The following KLRG1 variants were observed in gnomAD, a reference collection of about 807,000 sequenced individuals.
KLRG1 encodes killer cell lectin-like receptor subfamily G member 1.
In KLRG1, 16 loss-of-function variants were observed where a neutral mutation model predicts 21.8. The ratio of observed to expected loss-of-function variants is 0.73; its 90% confidence interval spans 0.50 to 1.11. The LOEUF (loss-of-function observed/expected upper bound fraction) is 1.11, where lower values mean the gene tolerates loss of function less well. Among genes scored for constraint, KLRG1 ranks in the 50% most tolerant of loss-of-function variants. The pLI, the probability that KLRG1 is intolerant of heterozygous loss-of-function variation, is 0.00. For synonymous variants in KLRG1, 69 were observed against 75.9 expected (o/e 0.91, Z 0.47); for missense variants, 173 against 218.3 (o/e 0.79, Z 1.31).
the KLRG1 span, among the ~76,000 whole-genome samples, chr12:9,108,800 A>G: frequency 3.3e-5 from 5 of 152,314 alleles, no homozygotes; most frequent in Middle Eastern, 3.4e-3. Context: ...GCAGACAGGT[A>G]TGTAGACCCG....
chr12:9,197,035 C>A, the KLRG1 span: 4 of 1,613,070 alleles, frequency 2.5e-6, no homozygotes, highest in South Asian at 1.1e-5. Context: ...TCCTCACAGA[C>A]CTCCTGCTTG....
the KLRG1 span, among the ~76,000 whole-genome samples, chr12:9,100,901 G>C: frequency 6.6e-6 from 1 of 152,124 alleles, no homozygotes; most frequent in East Asian, 1.9e-4. Flanking sequence ...GGATTCAGGG[G>C]GAAGGGTGGA....
chr12:8,977,961 C>T (rs761742178), intron 1 of KLRG1, among the ~76,000 whole-genome samples: 8 of 152,018 alleles, frequency 5.3e-5, no homozygotes, highest in South Asian at 4.2e-4. Flanking sequence ...TGGGTTCAAG[C>T]GATTCTCCTG....
chr12:8,979,577 G>A (rs1946721136), intron 1 of KLRG1, among the ~76,000 whole-genome samples: 1 of 152,058 alleles, frequency 6.6e-6, no homozygotes, highest in Admixed American at 6.6e-5. Flanking sequence ...AATCTTTTAG[G>A]ATTCCTGAAT....
the KLRG1 span, chr12:9,192,678 C>A: frequency 6.2e-7 from 1 of 1,613,958 alleles, no homozygotes. Flanking sequence ...GTGCTGAGCA[C>A]CCTGGTGGTC....
the KLRG1 span, among the ~76,000 whole-genome samples, chr12:9,030,685 C>T: frequency 3.3e-5 from 5 of 152,022 alleles, no homozygotes; most frequent in Admixed American, 6.6e-5. Flanking sequence ...GGATTACAGG[C>T]GTGAGCCACT....
the KLRG1 span, among the ~76,000 whole-genome samples, chr12:9,075,946 A>G: frequency 1.3e-5 from 2 of 152,234 alleles, no homozygotes; most frequent in Non-Finnish European, 2.9e-5. Flanking sequence ...AATACATTTT[A>G]AGAAGAATTA....
At chr12:9,074,269 T>C in the KLRG1 span, among the ~76,000 whole-genome samples, 1 of 152,070 alleles carries the variant, frequency 6.6e-6, no homozygotes, top group East Asian at 1.9e-4. Context: ...GCAGGAGACA[T>C]CTCCTTCATT....
chr12:8,988,904 T>C (rs192765063), upstream of KLRG1, among the ~76,000 whole-genome samples: 1 of 152,288 alleles, frequency 6.6e-6, no homozygotes, highest in East Asian at 1.9e-4. Flanking sequence ...TTATTAACTT[T>C]TCACCTACTA....
chr12:9,146,021 G>A, the KLRG1 span, among the ~76,000 whole-genome samples: 1 of 151,786 alleles, frequency 6.6e-6, no homozygotes, highest in Non-Finnish European at 1.5e-5. Context: ...GATTTCATTG[G>A]GTTCATCTTA....
the KLRG1 span, chr12:9,089,163 CT>C: frequency 3.9e-5 from 57 of 1,469,624 alleles, no homozygotes; most frequent in African/African-American, 7.4e-4. Flanking sequence ...AAATGTTAGA[CT>C]TTAATGTTTT....
the KLRG1 span, among the ~76,000 whole-genome samples, chr12:9,122,218 C>T: frequency 5.3e-5 from 8 of 152,056 alleles, no homozygotes; most frequent in Admixed American, 6.6e-5. Flanking sequence ...GAATAGGAAG[C>T]AAGGTGGGGG....
At chr12:9,200,956 G>A in the KLRG1 span, 18 of 1,614,086 alleles carry the variant, frequency 1.1e-5, no homozygotes, top group South Asian at 2.2e-5. Context: ...CCACCACCCT[G>A]TAGGAGCCCT....
At chr12:9,025,894 G>A in the KLRG1 span, among the ~76,000 whole-genome samples, 3 of 152,178 alleles carry the variant, frequency 2.0e-5, no homozygotes, top group African/African-American at 7.2e-5. Flanking sequence ...ATACTAAGAA[G>A]GAGAGAGGAA....
At chr12:9,105,663 A>G in the KLRG1 span, among the ~76,000 whole-genome samples, 1 of 152,254 alleles carries the variant, frequency 6.6e-6, no homozygotes, top group African/African-American at 2.4e-5. Flanking sequence ...ATGAAAATTC[A>G]TAATTCAAAA....
chr12:9,060,073 C>T, the KLRG1 span, among the ~76,000 whole-genome samples: 8 of 132,554 alleles, frequency 6.0e-5, no homozygotes, highest in South Asian at 5.0e-4. Context: ...GGCGTGATCT[C>T]GGCTCACTGC....
chr12:9,202,823 G>A, the KLRG1 span: 6 of 801,590 alleles, frequency 7.5e-6, no homozygotes, highest in East Asian at 1.1e-4. Context: ...AGACATAAGA[G>A]TGACGATATT....
the KLRG1 span, among the ~76,000 whole-genome samples, chr12:9,206,168 A>T: frequency 1.3e-5 from 2 of 152,122 alleles, no homozygotes; most frequent in Admixed American, 6.5e-5. Flanking sequence ...TTAACAGCAT[A>T]ATAAATAATA....
At chr12:9,192,313 CTAT>C in the KLRG1 span, 1 of 1,526,060 alleles carries the variant, frequency 6.6e-7, no homozygotes, top group East Asian at 2.3e-5. Context: ...TCTCAGCCTT[CTAT>C]TCCCCACATG....
Sources: gnomAD v4.1 joint callset for allele counts (sites outside exome capture counted in the v4.1 genomes callset) on GRCh38, gnomAD v4.1.1 for gene constraint, MANE v1.5 for transcripts, NCBI Gene and HGNC (gene_info 2026-07-23, HGNC 2026-07-21) for gene names.